The following ADCY2 variants were observed in gnomAD, a reference collection of about 807,000 sequenced individuals.
ADCY2 encodes adenylate cyclase 2, also known as adenylate cyclase type 2.
Under a neutral mutation model 125.2 loss-of-function variants are expected in ADCY2, and 31 were observed. The ratio of observed to expected loss-of-function variants is 0.25; its 90% CI spans 0.19 to 0.33. ADCY2 has a LOEUF of 0.33. Ranked by LOEUF, ADCY2 falls within the 10% of genes least tolerant of loss-of-function variation. The pLI, the probability that ADCY2 is intolerant of heterozygous loss-of-function variation, is 1.00. For synonymous variants in ADCY2, 512 were observed against 548.4 expected, an observed-to-expected ratio of 0.93 and a Z score of 0.93; for missense variants, 904 against 1,418.2, an observed-to-expected ratio of 0.64 and a Z score of 5.82.
In ADCY2 at chr5:7,439,968, C is replaced by A. The variant is rs532987796; in HGVS notation, c.408+25198C>A. Among the ~76,000 whole-genome samples, 8 of 152,174 alleles carry A rather than the reference C, an allele frequency of 5.3e-5. No homozygotes were observed. In the East Asian group the frequency reaches 1.5e-3, roughly 29 times the overall value. On this transcript the variant is annotated intron_variant, in intron 2 of 24. Coordinates refer to ENST00000338316, the MANE Select transcript of ADCY2 (RefSeq NM_020546.3). ...AGAGAAAGGTTGTTTTAAAAGTAAACCTGCGATTGTTCCAAAGCTGTGGAA... is the reference window on the plus strand; with the variant it reads ...AGAGAAAGGTTGTTTTAAAAGTAAAACTGCGATTGTTCCAAAGCTGTGGAA...
chr5:7,658,399 T>TTTTGTGTGTGTGTG (rs1554029015), intron 4 of ADCY2, among the ~76,000 whole-genome samples: 233 of 130,954 alleles, frequency 1.8e-3, no homozygotes, highest in African/African-American at 6.5e-3. Flanking sequence ...GTGAAGAGAA[T>TTTTGTGTGTGTGTG]TGTGTGTGTG....
At chr5:7,773,772 A>G (rs1051220438) in intron 18 of ADCY2, among the ~76,000 whole-genome samples, 2 of 152,226 alleles carry the variant, frequency 1.3e-5, no homozygotes, top group African/African-American at 4.8e-5. Context: ...ATAAGCCTAG[A>G]TGCAGCAAGA....
At chr5:7,491,866 C>T (rs914589384) in intron 2 of ADCY2, among the ~76,000 whole-genome samples, 1 of 152,118 alleles carries the variant, frequency 6.6e-6, no homozygotes, top group Non-Finnish European at 1.5e-5. Context: ...CTGTTTTATT[C>T]ATCTATCTAT....
intron 2 of ADCY2, among the ~76,000 whole-genome samples, chr5:7,455,673 AATAC>A (rs1271371094): frequency 1.0e-4 from 15 of 147,850 alleles, no homozygotes; most frequent in South Asian, 2.1e-4. Context: ...ATATAATTAT[AATAC>A]ATACATTTTG....
chr5:7,476,595 T>A (rs1050132087), intron 2 of ADCY2, among the ~76,000 whole-genome samples: 4 of 152,220 alleles, frequency 2.6e-5, no homozygotes, highest in East Asian at 3.9e-4. Context: ...CCACCAGTCT[T>A]CTCCCAAGTT....
chr5:7,787,380 A>G (rs988882368), intron 19 of ADCY2, among the ~76,000 whole-genome samples: 1 of 152,212 alleles, frequency 6.6e-6, no homozygotes. Flanking sequence ...CCAACCCTAG[A>G]TCCAGGATGA....
chr5:7,695,888 C>A, intron 6 of ADCY2, 25 bp downstream of exon 6: 1 of 1,512,134 alleles, frequency 6.6e-7, no homozygotes, highest in African/African-American at 1.4e-5. Flanking sequence ...TTCTTTTCTT[C>A]TCTGAAGATT....
chr5:7,397,624 G>A (rs1739110825), intron 1 of ADCY2, among the ~76,000 whole-genome samples: 1 of 151,978 alleles, frequency 6.6e-6, no homozygotes, highest in Non-Finnish European at 1.5e-5. Context: ...TTGGTATTTG[G>A]CAATTTGTTT....
intron 3 of ADCY2, among the ~76,000 whole-genome samples, chr5:7,575,194 A>G (rs2126605737): frequency 6.6e-6 from 1 of 152,248 alleles, no homozygotes; most frequent in Non-Finnish European, 1.5e-5. Context: ...AAAAAATAAA[A>G]AGGAGAAAAA....
chr5:7,695,264 G>A (rs1740851290), intron 5 of ADCY2, among the ~76,000 whole-genome samples: 1 of 152,124 alleles, frequency 6.6e-6, no homozygotes, highest in Non-Finnish European at 1.5e-5. Flanking sequence ...TGTCCAATCT[G>A]CCCCTACTCT....
At chr5:7,543,447 A>T (rs905956548) in intron 3 of ADCY2, among the ~76,000 whole-genome samples, 1 of 152,160 alleles carries the variant, frequency 6.6e-6, no homozygotes, top group Non-Finnish European at 1.5e-5. Context: ...CTTTTAGATC[A>T]ATTAGTAATA....
At position 7,824,683 on chromosome 5, in the gene ADCY2, G is replaced by C. The variant is rs181921921; in HGVS notation, c.3124-2036G>C. ...TTTTCCTTTCTGCTCTGCTCATCAG[G>C]GTCCCGAGGACCCACACGTGGACCT... On this transcript the variant is annotated intron_variant, in intron 24 of 24. Coordinates refer to ENST00000338316, the MANE Select transcript of ADCY2 (RefSeq NM_020546.3). Among the ~76,000 whole-genome samples, 7 of 152,264 alleles carry C rather than the reference G, an allele frequency of 4.6e-5. No individual in the cohort carries two copies. The East Asian group carries it at 1.4e-3, about 29-fold the overall frequency.
At position 7,802,009 on chromosome 5, in the gene ADCY2, T is replaced by G; in HGVS notation, c.2629-209T>G. 1.9e-6 allele frequency: 1 copy of G among 522,314 alleles called. No individual in the cohort carries two copies. The highest frequency in any genetic ancestry group is 3.2e-5 in the South Asian group (1 of 31,192). The allele number at this position is 522,314 out of a possible 1,614,324, so 32.4% of individuals were successfully genotyped here. ...AACTGGCAAGGCACCTCTTCTTAAC[T>G]GGTAGTGGCCTGAATCCAGCTCATT... is the stretch of plus-strand genomic sequence containing the variant. On this transcript the variant is annotated intron_variant, in intron 20 of 24. Transcript: ENST00000338316. This position sits in a 1 kb window ranked among gnomAD's most constrained non-coding sequence, Gnocchi z 4.6.
Position 7,672,502 on chromosome 5 carries a change from T to G in ADCY2, c.721-18189T>G, listed in dbSNP as rs184161804. On this transcript the variant is annotated intron_variant, in intron 4 of 24. Transcript: ENST00000338316. ...ATGGTTTTTATATTGTTAGATGATT[T>G]TTTTTTTTAAGAGAGAGGGTGTTGC... 1.7e-4 allele frequency among the ~76,000 whole-genome samples: 26 copies of G among 152,104 alleles called. No individual in the cohort carries two copies. In the East Asian group the frequency reaches 4.7e-3, roughly 27 times the overall value.
chr5:7,449,787 C>A (rs1741405751), intron 2 of ADCY2, among the ~76,000 whole-genome samples: 4 of 152,140 alleles, frequency 2.6e-5, no homozygotes. Flanking sequence ...CTGTTGGTGC[C>A]ATTTTTCCAA....
chr5:7,662,069 A>G (rs1739553619), intron 4 of ADCY2, among the ~76,000 whole-genome samples: 1 of 152,190 alleles, frequency 6.6e-6, no homozygotes, highest in South Asian at 2.1e-4. Context: ...TGTTTGAGGA[A>G]AGCCATTATT....
chr5:7,521,041 A>C, intron 3 of ADCY2, 142 bp downstream of exon 3: 1 of 942,034 alleles, frequency 1.1e-6, no homozygotes, highest in Non-Finnish European at 1.6e-6. Flanking sequence ...GACCCCCTAT[A>C]ACACTGAGGA....
At chr5:7,790,674 T>C (rs1281884132) in intron 20 of ADCY2, among the ~76,000 whole-genome samples, 1 of 152,104 alleles carries the variant, frequency 6.6e-6, no homozygotes, top group Admixed American at 6.5e-5. Context: ...TTTTCCAAGG[T>C]TGAGGATGGT....
intron 8 of ADCY2, among the ~76,000 whole-genome samples, chr5:7,707,292 G>A (rs763537739): frequency 7.9e-5 from 12 of 152,148 alleles, no homozygotes; most frequent in Non-Finnish European, 1.3e-4. Flanking sequence ...GGAGAATAAC[G>A]TATTTCAGTC....
Sources: gnomAD v4.1 joint callset for allele counts (sites outside exome capture counted in the v4.1 genomes callset) on GRCh38, gnomAD v4.1.1 for gene constraint, Gnocchi (gnomAD v3.1) non-coding constraint, MANE v1.5 for transcripts, NCBI Gene and HGNC (gene_info 2026-07-23, HGNC 2026-07-21) for gene names.